The following NLGN4X variants were observed in gnomAD, a reference collection of about 807,000 sequenced individuals.
NLGN4X encodes neuroligin 4 X-linked.
In NLGN4X, 3 loss-of-function variants were observed where a neutral mutation model predicts 40.3. The ratio of observed to expected loss-of-function variants is 0.07; its 90% CI spans 0.03 to 0.19. The LOEUF is 0.19. Among genes scored for constraint, NLGN4X ranks in the 10% least tolerant of loss-of-function variants. NLGN4X has a pLI of 1.00. For missense variants in NLGN4X, 382 were observed against 708.3 expected, an observed-to-expected ratio of 0.54 and a Z score of 5.23; for synonymous variants, 270 against 306.8, an observed-to-expected ratio of 0.88 and a Z score of 1.25.
At chrX:6,122,241 T>C (rs955354199) in intron 2 of NLGN4X, among the ~76,000 whole-genome samples, 3 of 111,245 alleles carry the variant, frequency 2.7e-5, no homozygotes, top group African/African-American at 9.8e-5. Context: ...TATTTTTTGT[T>C]TTTTATTTTT....
At chrX:6,007,736 T>G (rs1038922516) in intron 3 of NLGN4X, among the ~76,000 whole-genome samples, 1 of 111,612 alleles carries the variant, frequency 9.0e-6, no homozygotes, top group African/African-American at 3.3e-5. Context: ...CATATAAAAT[T>G]TTCTCCTTTC....
At chrX:5,938,374 G>A (rs1017369454) in intron 3 of NLGN4X, among the ~76,000 whole-genome samples, 6 of 109,255 alleles carry the variant, frequency 5.5e-5, no homozygotes, top group East Asian at 2.9e-4. Context: ...GCCATGGGTC[G>A]GAGAATTTGG....
intron 1 of NLGN4X, among the ~76,000 whole-genome samples, chrX:6,192,930 G>A (rs972317936): frequency 1.8e-5 from 2 of 111,591 alleles, no homozygotes; most frequent in African/African-American, 6.5e-5. Context: ...ATGACAGTGA[G>A]CCTCCCATAC....
intron 1 of NLGN4X, among the ~76,000 whole-genome samples, chrX:6,171,916 G>C (rs1410971383): frequency 1.8e-5 from 2 of 111,003 alleles, no homozygotes; most frequent in African/African-American, 6.6e-5. Context: ...GTACTGTATA[G>C]TGAGTGAGTT....
At chrX:5,922,406 T>G (rs1307898422) in intron 3 of NLGN4X, among the ~76,000 whole-genome samples, 1 of 111,952 alleles carries the variant, frequency 8.9e-6, no homozygotes, top group East Asian at 2.8e-4. Context: ...TGCTAATTAC[T>G]TAGATCTGAT....
intron 3 of NLGN4X, among the ~76,000 whole-genome samples, chrX:5,959,252 T>G (rs1428482749): frequency 8.9e-6 from 1 of 112,285 alleles, no homozygotes; most frequent in Non-Finnish European, 1.9e-5. Flanking sequence ...AGTCCATGGC[T>G]GAGCGTAGGA....
At chrX:5,946,014 A>G (rs2034110284) in intron 3 of NLGN4X, among the ~76,000 whole-genome samples, 2 of 111,821 alleles carry the variant, frequency 1.8e-5, no homozygotes, top group African/African-American at 6.5e-5. Flanking sequence ...TATCACAGCC[A>G]TATGGAAAAA....
chrX:5,921,553 G>A (rs768173840), intron 3 of NLGN4X, among the ~76,000 whole-genome samples: 87 of 110,415 alleles, frequency 7.9e-4, no homozygotes, highest in Admixed American at 1.9e-3. Flanking sequence ...AGGTGTTTGC[G>A]GGGTAAGTGA....
At chrX:6,185,609 CT>C (rs1396780267) in intron 1 of NLGN4X, among the ~76,000 whole-genome samples, 3 of 112,056 alleles carry the variant, frequency 2.7e-5, no homozygotes, top group African/African-American at 9.7e-5. Flanking sequence ...CAGGAACCCC[CT>C]GGTTTTAACT....
intron 2 of NLGN4X, among the ~76,000 whole-genome samples, chrX:6,110,539 T>C (rs1190503261): frequency 8.9e-6 from 1 of 111,871 alleles, no homozygotes; most frequent in Non-Finnish European, 1.9e-5. Context: ...ATGCTGGAAA[T>C]GCATTTAATT....
intron 4 of NLGN4X, among the ~76,000 whole-genome samples, chrX:5,906,456 C>T (rs753722810): frequency 2.7e-5 from 3 of 111,532 alleles, no homozygotes; most frequent in South Asian, 3.8e-4. Context: ...CTTGTCCAGA[C>T]GGTGCCGAAG....
At chrX:6,028,456 C>T (rs1419857113) in intron 3 of NLGN4X, among the ~76,000 whole-genome samples, 1 of 109,778 alleles carries the variant, frequency 9.1e-6, no homozygotes, top group Non-Finnish European at 1.9e-5. Context: ...GTCAGGAGTT[C>T]GAGACCAGCC....
At chrX:5,990,077 C>CCTCT (rs71839664) in intron 3 of NLGN4X, among the ~76,000 whole-genome samples, 1,006 of 83,671 alleles carry the variant, frequency 0.012, 14 homozygotes, top group African/African-American at 0.029. Flanking sequence ...TCTCTATTTT[C>CCTCT]CTCTCTCTCT....
intron 2 of NLGN4X, among the ~76,000 whole-genome samples, chrX:6,093,986 A>G (rs1421120070): frequency 8.9e-6 from 1 of 112,114 alleles, no homozygotes; most frequent in Non-Finnish European, 1.9e-5. Flanking sequence ...AGATCAAAAA[A>G]TAGGAAAAAC....
chrX:6,108,446 C>T (rs780396179), intron 2 of NLGN4X, among the ~76,000 whole-genome samples: 1 of 111,531 alleles, frequency 9.0e-6, no homozygotes, highest in African/African-American at 3.3e-5. Context: ...GGGCTGATCA[C>T]TTGAGCTCAG....
At position 5,974,471 on chromosome X, in the gene NLGN4X, C is replaced by G. The variant is rs770647973; in HGVS notation, c.625+54809G>C. On this transcript the variant is annotated intron_variant, in intron 3 of 5. Transcript: ENST00000381095. ...CATGAATTTAAAGAGGAAACACAAA[C>G]AGGAGTGTCCCTTTTTCCAAAAGCA... 4.5e-5 allele frequency among the ~76,000 whole-genome samples: 5 copies of G among 111,723 alleles called. No homozygotes were observed. The South Asian group carries it at 1.9e-3, about 42-fold the overall frequency.
intron 5 of NLGN4X, among the ~76,000 whole-genome samples, chrX:5,894,579 G>A (rs2031385601): frequency 9.0e-6 from 1 of 111,552 alleles, no homozygotes; most frequent in Non-Finnish European, 1.9e-5. Flanking sequence ...TGGAAACTAT[G>A]AGCCAAAGAA....
At chrX:6,123,249 T>C (rs988789574) in intron 2 of NLGN4X, among the ~76,000 whole-genome samples, 3 of 111,754 alleles carry the variant, frequency 2.7e-5, no homozygotes, top group Non-Finnish European at 3.8e-5. Flanking sequence ...AAGCAGGCGA[T>C]GTGCAAAGGA....
chrX:6,076,154 T>C (rs1347830456), intron 2 of NLGN4X, among the ~76,000 whole-genome samples: 1 of 112,272 alleles, frequency 8.9e-6, no homozygotes, highest in East Asian at 2.8e-4. Flanking sequence ...TACAATATGA[T>C]ATTTAGTATC....
Sources: gnomAD v4.1 joint callset for allele counts (sites outside exome capture counted in the v4.1 genomes callset) on GRCh38, gnomAD v4.1.1 for gene constraint, MANE v1.5 for transcripts, NCBI Gene and HGNC (gene_info 2026-07-23, HGNC 2026-07-21) for gene names.